The following LMF1 variants were observed in gnomAD, a reference collection of about 807,000 sequenced individuals.
LMF1 encodes transmembrane protein 112.
Under a neutral mutation model 60.6 loss-of-function variants are expected in LMF1, and 68 were observed. The observed-to-expected ratio is 1.12, with a 90% CI of 0.92 to 1.37. The LOEUF is 1.37. Ranked by LOEUF, LMF1 falls within the 40% of genes most tolerant of loss-of-function variation. LMF1 has a pLI of 0.00. For missense variants in LMF1, 948 were observed against 767.2 expected (o/e 1.24, Z -2.78); for synonymous variants, 418 against 324.7 (o/e 1.29, Z -3.09).
At chr16:888,225 G>A (rs993093481) in intron 5 of LMF1, among the ~76,000 whole-genome samples, 10 of 152,282 alleles carry the variant, frequency 6.6e-5, no homozygotes, top group South Asian at 4.1e-4. Flanking sequence ...GTCCCTGCCC[G>A]CCCAGGCCCT....
At position 873,179 on chromosome 16, in the gene LMF1, C is replaced by T. The variant is rs529075435; in HGVS notation, c.898-1838G>A. On this transcript the variant is annotated intron_variant, in intron 6 of 10. Coordinates refer to ENST00000262301, the MANE Select transcript of LMF1 (RefSeq NM_022773.4). ...CTGGTCGGCTGTTTTGTTATGAAAA[C>T]GCAGTTCCGCGTAGAGTGCACGGCC... The T allele has an allele frequency of 6.9e-4, 105 of 152,434 alleles. No homozygotes were observed. The Middle Eastern group carries it at 0.01, about 15-fold the overall frequency. The allele number at this position is 152,434 out of a possible 1,614,324, so 9.4% of individuals were successfully genotyped here.
chr16:873,687 T>C (rs775047308), intron 6 of LMF1: 3 of 152,172 alleles, frequency 2.0e-5, no homozygotes, highest in Non-Finnish European at 4.4e-5. Context: ...AAATGCATTG[T>C]GTTCCAGGTG....
intron 2 of LMF1, chr16:947,729 C>T (rs1212902935): frequency 5.3e-6 from 2 of 375,168 alleles, no homozygotes; most frequent in Non-Finnish European, 1.1e-5. Context: ...AGGGCCACTG[C>T]CAAAGCCAAG....
At chr16:925,961 T>C (rs1449073382) in intron 3 of LMF1, among the ~76,000 whole-genome samples, 2 of 152,176 alleles carry the variant, frequency 1.3e-5, no homozygotes, top group African/African-American at 4.8e-5. Flanking sequence ...TGTGCACGTG[T>C]GCACGTTTGC....
intron 2 of LMF1, among the ~76,000 whole-genome samples, chr16:949,418 C>T (rs1302326575): frequency 3.5e-5 from 5 of 142,466 alleles, no homozygotes; most frequent in African/African-American, 5.1e-5. Flanking sequence ...CAACAACAGT[C>T]AGCCAACGAC....
At chr16:976,116 T>C (rs375922789) in intron 1 of LMF1, 1 of 360,894 alleles carries the variant, frequency 2.8e-6, no homozygotes, top group South Asian at 2.1e-5. Flanking sequence ...AGTCCTCTCC[T>C]GCTGATGGGC....
intron 3 of LMF1, among the ~76,000 whole-genome samples, chr16:922,430 G>C (rs1417686620): frequency 6.6e-6 from 1 of 152,248 alleles, no homozygotes; most frequent in Non-Finnish European, 1.5e-5. Flanking sequence ...CTGAAGCAGG[G>C]AGACAGCACA....
rs939355400 is a variant in LMF1, at chr16:890,861, C to G, written c.729+2146G>C. On this transcript the variant is annotated intron_variant, in intron 5 of 10. Transcript: ENST00000262301. ...CCTGACACTGCTGCGGCCAACCCTC[C>G]GGTGGCAGTGACACCGAGGGTGCCT... 2.4e-3 allele frequency among the ~76,000 whole-genome samples: 358 copies of G among 152,172 alleles called. 3 individuals carry two copies. Among genetic ancestry groups the G allele is most frequent in the African/African-American group, 6.8e-3 (282 of 41,512 alleles).
At chr16:970,984 CG>C (rs965838977), upstream of LMF1, 17 of 1,481,340 alleles carry the variant, frequency 1.1e-5, no homozygotes, top group Admixed American at 2.1e-5. Flanking sequence ...GGCGCATGTG[CG>C]GGGAGGGCGC....
At chr16:859,744 CAGTGGTGTCTCGGGATGGGTGTG>C (rs2069382533) in intron 10 of LMF1, among the ~76,000 whole-genome samples, 1 of 36,516 alleles carries the variant, frequency 2.7e-5, no homozygotes, top group African/African-American at 3.7e-4. Flanking sequence ...GACGGGTGTG[CAGTGGTGTCTCGGGATGGGTGTG>C]AGTGGTGTCT....
At chr16:875,322 T>C (rs536822145) in intron 6 of LMF1, among the ~76,000 whole-genome samples, 1 of 152,164 alleles carries the variant, frequency 6.6e-6, no homozygotes, top group Non-Finnish European at 1.5e-5. Flanking sequence ...CTGGCCGTCA[T>C]GCTTGGGAGG....
chr16:856,497 C>T (rs184389419), intron 10 of LMF1, among the ~76,000 whole-genome samples: 1 of 152,198 alleles, frequency 6.6e-6, no homozygotes, highest in Non-Finnish European at 1.5e-5. Flanking sequence ...TTTAGTGAGG[C>T]CGGGAGGGTG....
At chr16:981,129 C>T (rs887354006) in intron 1 of LMF1, 1 of 435,946 alleles carries the variant, frequency 2.3e-6, no homozygotes, top group Middle Eastern at 3.7e-4. Context: ...AGCCGCGGCC[C>T]CTTGAAGCGC....
At chr16:916,941 G>T (rs545896173) in intron 3 of LMF1, among the ~76,000 whole-genome samples, 2 of 152,322 alleles carry the variant, frequency 1.3e-5, no homozygotes, top group African/African-American at 4.8e-5. Flanking sequence ...CCAGCTCTGG[G>T]ATCCCCTGAA....
At chr16:884,314 G>C (rs1203559957) in intron 5 of LMF1, among the ~76,000 whole-genome samples, 1 of 152,170 alleles carries the variant, frequency 6.6e-6, no homozygotes, top group East Asian at 1.9e-4. Context: ...TAAAACTCGT[G>C]ATAAAAATCT....
Position 959,329 on chromosome 16 carries a change from C to T in LMF1, c.194-4663G>A, listed in dbSNP as rs188843872. Among the ~76,000 whole-genome samples the T allele has an allele frequency of 5.6e-4, 85 of 152,352 alleles. No homozygotes were observed. In the Middle Eastern group the frequency reaches 0.01, roughly 18 times the overall value. Reference sequence around the variant, plus strand: ...GAATCTAGACCCAACAGGCTATATACTGCGTGATTTCATTCGTATGTCACA... The same window carrying T: ...GAATCTAGACCCAACAGGCTATATATTGCGTGATTTCATTCGTATGTCACA... On this transcript the variant is annotated intron_variant, in intron 1 of 10. Transcript: ENST00000262301.
chr16:922,813 C>T (rs59593722), intron 3 of LMF1, among the ~76,000 whole-genome samples: 104 of 53,244 alleles, frequency 2.0e-3, no homozygotes, highest in South Asian at 0.012. Context: ...GTGGTGTTGG[C>T]GTCGTGTTGT....
intron 3 of LMF1, among the ~76,000 whole-genome samples, chr16:932,360 GC>G (rs915764323): frequency 1.3e-5 from 2 of 152,150 alleles, no homozygotes; most frequent in African/African-American, 2.4e-5. Flanking sequence ...CTCAGCCGCT[GC>G]CCCCCGAGCC....
intron 2 of LMF1, among the ~76,000 whole-genome samples, chr16:948,165 C>G (rs2072298008): frequency 6.9e-6 from 1 of 145,258 alleles, no homozygotes; most frequent in Non-Finnish European, 1.5e-5. Context: ...GAGCCAACGA[C>G]AGAGTCAGCC....
Sources: allele counts gnomAD v4.1 joint callset (sites outside exome capture counted in the v4.1 genomes callset), GRCh38; gene constraint gnomAD v4.1.1; transcripts MANE v1.5; gene names NCBI Gene and HGNC (gene_info 2026-07-23, HGNC 2026-07-21).